Variants in NHS observed in about 807,000 individuals in gnomAD.
NHS encodes the protein NHS actin remodeling regulator, also known as actin remodeling regulator NHS.
A neutral mutation model predicts 72.5 loss-of-function variants in NHS; 5 were observed. The ratio of observed to expected loss-of-function variants is 0.07; its 90% confidence interval spans 0.04 to 0.14. The LOEUF (loss-of-function observed/expected upper bound fraction) is 0.14. NHS is among the 10% of genes least tolerant of loss of function. The pLI is 1.00. For synonymous variants in NHS, 464 were observed against 547.7 expected, an observed-to-expected ratio of 0.85 and a Z score of 2.13; for missense variants, 1,072 against 1,355.7, an observed-to-expected ratio of 0.79 and a Z score of 3.29.
chrX:17,634,266 G>A (rs746293190), intron 1 of NHS, among the ~76,000 whole-genome samples: 16 of 112,283 alleles, frequency 1.4e-4, no homozygotes, highest in Non-Finnish European at 2.6e-4. Context: ...AAATGAAGTC[G>A]CCCATTCTGG....
chrX:17,437,630 GGAAGCAGTT>G (rs2064730282), intron 1 of NHS, among the ~76,000 whole-genome samples: 1 of 111,294 alleles, frequency 9.0e-6, no homozygotes, highest in Non-Finnish European at 1.9e-5. Context: ...TCACAATTTG[GGAAGCAGTT>G]GACATTCGGG....
chrX:17,626,851 T>G (rs1005453854), intron 1 of NHS, among the ~76,000 whole-genome samples: 4 of 112,094 alleles, frequency 3.6e-5, no homozygotes, highest in Non-Finnish European at 7.5e-5. Flanking sequence ...TTGTTCTGTT[T>G]GTGAACTGCA....
intron 1 of NHS, among the ~76,000 whole-genome samples, chrX:17,441,316 G>T (rs759376849): frequency 5.4e-5 from 6 of 111,615 alleles, no homozygotes; most frequent in Non-Finnish European, 1.1e-4. Flanking sequence ...GACTTCCCCA[G>T]GTCAGTCATC....
chrX:17,499,332 G>T lies in NHS; in HGVS notation c.565+123010G>T, dbSNP rs181799771. 1.8e-3 allele frequency among the ~76,000 whole-genome samples: 204 copies of T among 111,170 alleles called. 1 individual carries two copies. Among genetic ancestry groups the T allele is most frequent in the Middle Eastern group, 0.014 (3 of 216 alleles). On this transcript the variant is annotated intron_variant, in intron 1 of 8. Transcript: ENST00000676302. ...CTCCCTGCATCACTTGCTGACACAG[G>T]GTTGCCTGCCATTTCCCAGTCCAGC...
intron 1 of NHS, among the ~76,000 whole-genome samples, chrX:17,439,190 C>A (rs1468529356): frequency 9.1e-6 from 1 of 110,382 alleles, no homozygotes; most frequent in Non-Finnish European, 1.9e-5. Flanking sequence ...GGGATTGAGG[C>A]AAAGAGTGAA....
intron 1 of NHS, among the ~76,000 whole-genome samples, chrX:17,549,381 C>T (rs952036292): frequency 1.0e-4 from 11 of 110,496 alleles, no homozygotes; most frequent in African/African-American, 3.6e-4. Flanking sequence ...CTCTTGGTCC[C>T]AGACACTCAG....
chrX:17,589,458 T>G (rs1032799956), intron 1 of NHS, among the ~76,000 whole-genome samples: 4 of 112,094 alleles, frequency 3.6e-5, no homozygotes, highest in Middle Eastern at 4.2e-3. Flanking sequence ...AATAATAGTC[T>G]CCAATCTCAT....
At chrX:17,697,252 G>A (rs1569311531) in intron 3 of NHS, among the ~76,000 whole-genome samples, 1 of 110,726 alleles carries the variant, frequency 9.0e-6, no homozygotes, top group East Asian at 2.8e-4. Flanking sequence ...AAAAATTCAA[G>A]GACACGCAGG....
Position 17,613,640 on chromosome X carries a change from G to C in NHS, c.566-74102G>C, listed in dbSNP as rs1006631698. On this transcript the variant is annotated intron_variant, in intron 1 of 8. Coordinates refer to ENST00000676302, the MANE Select transcript of NHS (RefSeq NM_001291867.2). ...ATCCCTGGCATCTGAATTCAACCCAGGTTCATGTTTAGAGCACAAATCCCA... is the reference window on the plus strand; with the variant it reads ...ATCCCTGGCATCTGAATTCAACCCACGTTCATGTTTAGAGCACAAATCCCA... 2.7e-5 allele frequency among the ~76,000 whole-genome samples: 3 copies of C among 111,390 alleles called. No homozygotes were observed. In the Admixed American group the frequency reaches 2.9e-4, roughly 11 times the overall value.
intron 1 of NHS, among the ~76,000 whole-genome samples, chrX:17,528,994 C>CT (rs1241348912): frequency 9.0e-6 from 1 of 111,138 alleles, no homozygotes; most frequent in Non-Finnish European, 1.9e-5. Context: ...TCCCTTCCTT[C>CT]TTTTTCTTTG....
intron 1 of NHS, among the ~76,000 whole-genome samples, chrX:17,593,072 G>A (rs2065610065): frequency 8.9e-6 from 1 of 112,348 alleles, no homozygotes; most frequent in Non-Finnish European, 1.9e-5. Context: ...GCAGCAGCAT[G>A]TAATGTAAGA....
At chrX:17,592,471 G>A (rs1439791049) in intron 1 of NHS, among the ~76,000 whole-genome samples, 3 of 111,830 alleles carry the variant, frequency 2.7e-5, no homozygotes, top group African/African-American at 9.8e-5. Context: ...TGGCAAGCCA[G>A]CGACTTGGTT....
chrX:17,380,510 G>A (rs189044789), intron 1 of NHS, among the ~76,000 whole-genome samples: 4 of 109,900 alleles, frequency 3.6e-5, no homozygotes, highest in East Asian at 2.9e-4. Context: ...GCACCACTAC[G>A]CTAGGCTAAT....
intron 1 of NHS, among the ~76,000 whole-genome samples, chrX:17,523,840 C>T (rs780263780): frequency 8.9e-6 from 1 of 111,929 alleles, no homozygotes; most frequent in Admixed American, 9.5e-5. Context: ...AAGAGTTGAA[C>T]CATGGCCCGA....
intron 1 of NHS, among the ~76,000 whole-genome samples, chrX:17,634,510 G>A (rs988895522): frequency 4.5e-5 from 5 of 111,669 alleles, no homozygotes; most frequent in African/African-American, 1.6e-4. Context: ...GGGCTCAGGT[G>A]GGAGGCAAAT....
In NHS at chrX:17,727,513, C is replaced by T. The variant is rs763238998; in HGVS notation, c.3407C>T (p.Thr1136Met). The T allele has an allele frequency of 2.2e-5, 27 of 1,209,861 alleles. No individual in the cohort carries two copies. The highest frequency in any genetic ancestry group is 2.8e-5 in the Non-Finnish European group (25 of 895,125). The change falls in exon 7 of 9, where the codon ACG becomes ATG. Residue 1136 changes from threonine (T) to methionine (M), a missense_variant. Thr to Met is a moderately conservative substitution (Grantham distance 81, BLOSUM62 -1). Coordinates refer to ENST00000676302, the MANE Select transcript of NHS (RefSeq NM_001291867.2). ...NPPPSLAITPTILKSVNLRSI... is the reference protein window; with the variant it reads ...NPPPSLAITPMILKSVNLRSI... ...CCACCGTCCCTTGCAATTACACCAA[C>T]GATCCTGAAATCTGTTAACCTTAGG...
At chrX:17,521,004 C>T (rs1361850232) in intron 1 of NHS, among the ~76,000 whole-genome samples, 2 of 111,394 alleles carry the variant, frequency 1.8e-5, no homozygotes, top group Non-Finnish European at 3.8e-5. Context: ...CTGGCTCGCA[C>T]GCACAGTACA....
intron 1 of NHS, among the ~76,000 whole-genome samples, chrX:17,393,156 A>G (rs892522585): frequency 9.0e-6 from 1 of 111,682 alleles, no homozygotes; most frequent in African/African-American, 3.3e-5. Context: ...CTTTTGCTGA[A>G]TATACCTACA....
At chrX:17,572,171 G>T (rs1243848869) in intron 1 of NHS, among the ~76,000 whole-genome samples, 1 of 111,678 alleles carries the variant, frequency 9.0e-6, no homozygotes, top group Non-Finnish European at 1.9e-5. Context: ...TTCTGTAGAT[G>T]TCTATTAGGT....
Sources: allele counts gnomAD v4.1 joint callset (sites outside exome capture counted in the v4.1 genomes callset), GRCh38; gene constraint gnomAD v4.1.1; transcripts MANE v1.5; gene names NCBI Gene and HGNC (gene_info 2026-07-23, HGNC 2026-07-21).